Variants in HABP2 observed in about 807,000 individuals in gnomAD.
HABP2 encodes the protein hyaluronan binding protein 2.
In HABP2, 65 loss-of-function variants were observed where a neutral mutation model predicts 66.5. The observed-to-expected ratio is 0.98, with a 90% CI of 0.80 to 1.20. The LOEUF is 1.20. HABP2 is among the 50% of genes most tolerant of loss of function. The pLI is 0.00. For synonymous variants in HABP2, 263 were observed against 253.9 expected, an observed-to-expected ratio of 1.04 and a Z score of -0.34; for missense variants, 786 against 691.0, an observed-to-expected ratio of 1.14 and a Z score of -1.54.
chr10:113,583,466 C>A, intron 10 of HABP2, 108 bp downstream of exon 10: 1 of 884,752 alleles, frequency 1.1e-6, no homozygotes, highest in Non-Finnish European at 1.8e-6. Flanking sequence ...TGTTTTTGGT[C>A]CCTGTGGACC....
intron 9 of HABP2, among the ~76,000 whole-genome samples, 183 bp from the exon 10 acceptor site, chr10:113,583,033 C>G (rs146663820): frequency 2.0e-5 from 3 of 152,206 alleles, no homozygotes; most frequent in East Asian, 1.9e-4. Context: ...ATATTTGGAG[C>G]TTGCTTCTGT....
Position 113,588,617 on chromosome 10 carries a change from C to T in HABP2, c.*248C>T, listed in dbSNP as rs190671125. 5.6e-6 allele frequency: 3 copies of T among 532,040 alleles called. No homozygotes were observed. The highest frequency in any genetic ancestry group is 3.5e-5 in the Admixed American group (1 of 28,730). 33.0% of individuals were successfully genotyped at this position (532,040 alleles called of 1,614,324 possible). A position where few individuals can be genotyped will look rare whatever the true frequency, so the allele number is the denominator to read the frequency against. On this transcript the variant is annotated 3_prime_UTR_variant, in exon 13 of 13. Transcript: ENST00000351270. ...GAATCAACACAACATAGTATGTTTG[C>T]TTTCCTTACCCAATTGTACCTTCTA...
In HABP2 at chr10:113,588,802, G is replaced by A. The variant is rs1481227590; in HGVS notation, c.*433G>A. ...CAGCCATCCACGTCTAGGTATCAGA[G>A]AGGACCACAAATACAACATTCTCCA... On this transcript the variant is annotated 3_prime_UTR_variant, in exon 13 of 13. Coordinates refer to ENST00000351270, the MANE Select transcript of HABP2 (RefSeq NM_004132.5). 1.6e-6 allele frequency: 1 copy of A among 617,182 alleles called. No individual in the cohort carries two copies. The highest frequency in any genetic ancestry group is 2.9e-6 in the Non-Finnish European group (1 of 346,914). The allele number at this position is 617,182 out of a possible 1,614,324, so 38.2% of individuals were successfully genotyped here. A position where few individuals can be genotyped will look rare whatever the true frequency, so the allele number is the denominator to read the frequency against.
At chr10:113,565,521 C>T (rs138472028) in intron 1 of HABP2, among the ~76,000 whole-genome samples, 19 of 152,282 alleles carry the variant, frequency 1.2e-4, no homozygotes, top group African/African-American at 3.9e-4. Context: ...TTTTAACAAC[C>T]AGCTCTCCTA....
At chr10:113,587,036 C>A (rs11575783) in intron 12 of HABP2, among the ~76,000 whole-genome samples, 1 of 152,212 alleles carries the variant, frequency 6.6e-6, no homozygotes, top group Non-Finnish European at 1.5e-5. Flanking sequence ...TCAGGCTGGG[C>A]ATGCGTGGTG....
chr10:113,574,428 G>A, intron 3 of HABP2, 23 bp downstream of exon 3: 1 of 1,163,334 alleles, frequency 8.6e-7, no homozygotes, highest in South Asian at 1.2e-5. Flanking sequence ...TCTCTTTCAG[G>A]GACTCTCCTG....
intron 2 of HABP2, among the ~76,000 whole-genome samples, chr10:113,567,941 G>A (rs1186894920): frequency 2.0e-5 from 3 of 152,166 alleles, no homozygotes; most frequent in Non-Finnish European, 2.9e-5. Context: ...GTGCGAGGGC[G>A]GCCTCCGGGC....
At chr10:113,587,823 G>A (rs1401949257) in intron 12 of HABP2, among the ~76,000 whole-genome samples, 1 of 152,002 alleles carries the variant, frequency 6.6e-6, no homozygotes, top group Non-Finnish European at 1.5e-5. Context: ...TTAAAACCCA[G>A]GAGATCTAAC....
At chr10:113,585,730 G>A (rs2133786418) in intron 11 of HABP2, 63 bp from the exon 12 acceptor site, 3 of 1,257,856 alleles carry the variant, frequency 2.4e-6, no homozygotes, top group South Asian at 1.2e-5. Flanking sequence ...TCTGGTTTCT[G>A]GTGGGGTTGG....
chr10:113,569,950 A>G (rs1410098287), intron 2 of HABP2: 1 of 152,262 alleles, frequency 6.6e-6, no homozygotes, highest in East Asian at 1.9e-4. Context: ...GCAGCTGCAA[A>G]GCTCCCATCG....
chr10:113,564,319 T>C lies in HABP2; in HGVS notation c.70-3170T>C, dbSNP rs1845157156. Among the ~76,000 whole-genome samples, 3 of 152,064 alleles carry C rather than the reference T, an allele frequency of 2.0e-5. No individual in the cohort carries two copies. In the South Asian group the frequency reaches 6.2e-4, roughly 32 times the overall value. On this transcript the variant is annotated intron_variant, in intron 1 of 12. Transcript: ENST00000351270. ...ATGGGAGCTACAATTCAAGATGAGA[T>C]TTGGGTAGGGACACAGCCAAACCAT...
intron 12 of HABP2, among the ~76,000 whole-genome samples, chr10:113,586,199 G>A (rs1845630123): frequency 6.6e-6 from 1 of 152,226 alleles, no homozygotes; most frequent in Admixed American, 6.5e-5. Context: ...TGGTGAAGGT[G>A]ATGTCATGAT....
At chr10:113,573,926 T>G (rs1439535232) in intron 2 of HABP2, among the ~76,000 whole-genome samples, 1 of 152,188 alleles carries the variant, frequency 6.6e-6, no homozygotes, top group African/African-American at 2.4e-5. Context: ...GTAGACGTGC[T>G]AGGTCCCAAT....
At position 113,584,067 on chromosome 10, in the gene HABP2, C is replaced by A. The variant is rs910029876; in HGVS notation, c.1238-81C>A. ...GGCAGGTGGGGCTTTGCTGTGGCCA[C>A]CTTCATGAGCAAGTTGGAGCTGGTG... is the stretch of plus-strand genomic sequence containing the variant. On this transcript the variant is annotated intron_variant, in intron 10 of 12. Transcript: ENST00000351270. 4.7e-6 allele frequency: 6 copies of A among 1,286,444 alleles called. No homozygotes were observed. The Admixed American group carries it at 7.1e-5, about 15-fold the overall frequency. 79.7% of individuals were successfully genotyped at this position (1,286,444 alleles called of 1,614,324 possible). A position where few individuals can be genotyped will look rare whatever the true frequency, so the allele number is the denominator to read the frequency against.
At chr10:113,586,477 G>T (rs4918855) in intron 12 of HABP2, among the ~76,000 whole-genome samples, 35,591 of 77,998 alleles carry the variant, frequency 0.46, 5,847 homozygotes, top group Admixed American at 0.54. Context: ...TGTGTGTGTG[G>T]GGGGGGGGGG....
chr10:113,566,155 C>A (rs1474296612), intron 1 of HABP2, among the ~76,000 whole-genome samples: 1 of 152,192 alleles, frequency 6.6e-6, no homozygotes. Flanking sequence ...AGCTTTCTGG[C>A]GGCCAAGACC....
intron 1 of HABP2, among the ~76,000 whole-genome samples, chr10:113,563,193 G>C (rs775204176): frequency 7.9e-5 from 12 of 152,090 alleles, no homozygotes; most frequent in Non-Finnish European, 1.2e-4. Flanking sequence ...CTCTTCCATC[G>C]ATCTTTCTCT....
chr10:113,586,474 G>A, intron 12 of HABP2, among the ~76,000 whole-genome samples: 1 of 81,974 alleles, frequency 1.2e-5, no homozygotes, highest in East Asian at 3.6e-4. Flanking sequence ...GTGTGTGTGT[G>A]TGGGGGGGGG....
At chr10:113,578,890 T>A in intron 7 of HABP2, 92 bp downstream of exon 7, 1 of 882,190 alleles carries the variant, frequency 1.1e-6, no homozygotes, top group Non-Finnish European at 1.9e-6. Context: ...TAGGAAGATT[T>A]TCTTACTCAG....
Sources: allele counts gnomAD v4.1 joint callset (sites outside exome capture counted in the v4.1 genomes callset), GRCh38; gene constraint gnomAD v4.1.1; transcripts MANE v1.5; gene names NCBI Gene and HGNC (gene_info 2026-07-23, HGNC 2026-07-21).